The following FRYL variants were observed in gnomAD, a reference collection of about 807,000 sequenced individuals.
FRYL encodes the protein protein furry homolog-like.
In FRYL, 150 loss-of-function variants were observed where a neutral mutation model predicts 351.2. That is an observed-to-expected ratio of 0.43 (90% CI 0.37 to 0.49). The LOEUF (loss-of-function observed/expected upper bound fraction) is 0.49, where lower values mean the gene tolerates loss of function less well. FRYL is among the 20% of genes least tolerant of loss of function. The pLI is 0.00. For synonymous variants in FRYL, 1,153 were observed against 1,257.1 expected (o/e 0.92, Z 1.75); for missense variants, 3,036 against 3,619.3 (o/e 0.84, Z 4.13).
intron 1 of FRYL, among the ~76,000 whole-genome samples, chr4:48,776,418 T>C (rs745992678): frequency 3.3e-5 from 5 of 152,226 alleles, no homozygotes; most frequent in Non-Finnish European, 5.9e-5. Context: ...TAAAACTAAA[T>C]TTAAACTTCT....
Position 48,557,122 on chromosome 4 carries a change from G to C in FRYL, c.4126-4C>G, listed in dbSNP as rs1393677752. On this transcript the variant is annotated splice_polypyrimidine_tract_variant and splice_region_variant and intron_variant, in intron 34 of 63. Transcript: ENST00000358350. ...ACCAGGCCAGTTCATCGCCATACTA[G>C]ATGCAATATGCACAAAAGATACTTC... is the stretch of plus-strand genomic sequence containing the variant. 1.9e-6 allele frequency: 3 copies of C among 1,574,274 alleles called. No individual in the cohort carries two copies. The highest frequency in any genetic ancestry group is 1.4e-5 in the African/African-American group (1 of 72,478).
At chr4:48,651,345 G>T (rs1757670307) in intron 3 of FRYL, among the ~76,000 whole-genome samples, 5 of 127,514 alleles carry the variant, frequency 3.9e-5, no homozygotes, top group South Asian at 2.8e-4. Context: ...GTGTGTAGTG[G>T]TAGAAACAGG....
chr4:48,583,901 T>G (rs552527554), intron 19 of FRYL, among the ~76,000 whole-genome samples: 1 of 145,184 alleles, frequency 6.9e-6, no homozygotes, highest in Non-Finnish European at 1.5e-5. Context: ...CAAGACATCA[T>G]CTCAAAAAAA....
intron 3 of FRYL, among the ~76,000 whole-genome samples, chr4:48,662,125 T>A (rs1401552743): frequency 6.6e-6 from 1 of 152,168 alleles, no homozygotes; most frequent in African/African-American, 2.4e-5. Flanking sequence ...GGAATTGGAA[T>A]CTCAGAAGGA....
At chr4:48,709,310 T>C (rs1767757568) in intron 2 of FRYL, among the ~76,000 whole-genome samples, 2 of 152,214 alleles carry the variant, frequency 1.3e-5, no homozygotes, top group South Asian at 2.1e-4. Flanking sequence ...ATGAAAATAA[T>C]GGATGCTAGA....
At chr4:48,550,502 T>C in intron 38 of FRYL, 90 bp downstream of exon 38, 1 of 808,452 alleles carries the variant, frequency 1.2e-6, no homozygotes, top group South Asian at 1.7e-5. Context: ...TTAAAAACAA[T>C]TTACTGAAAA....
At chr4:48,677,551 C>T (rs930341472) in intron 3 of FRYL, among the ~76,000 whole-genome samples, 17 of 151,958 alleles carry the variant, frequency 1.1e-4, no homozygotes, top group South Asian at 2.1e-4. Context: ...GCTGGGATTA[C>T]AGGCGCCTGC....
intron 56 of FRYL, among the ~76,000 whole-genome samples, chr4:48,513,905 G>T (rs1384079832): frequency 3.3e-5 from 5 of 152,188 alleles, no homozygotes; most frequent in African/African-American, 4.8e-5. Flanking sequence ...AAGCCAAATA[G>T]CTGAATAACA....
At chr4:48,638,893 G>C (rs566408384) in intron 3 of FRYL, among the ~76,000 whole-genome samples, 1 of 152,028 alleles carries the variant, frequency 6.6e-6, no homozygotes, top group Non-Finnish European at 1.5e-5. Context: ...ACTCATAAGT[G>C]GGAGCTGAAT....
intron 61 of FRYL, 130 bp from the exon 62 acceptor site, chr4:48,501,863 C>T (rs1719752807): frequency 3.2e-6 from 2 of 627,078 alleles, no homozygotes; most frequent in Non-Finnish European, 5.6e-6. Flanking sequence ...TGGTATGAAG[C>T]TGATGAAAGG....
chr4:48,731,270 A>C (rs1770693313), intron 1 of FRYL, among the ~76,000 whole-genome samples: 1 of 151,976 alleles, frequency 6.6e-6, no homozygotes. Flanking sequence ...CACAATAATA[A>C]TGGGAAATAA....
At chr4:48,628,990 T>C (rs1316805270) in intron 4 of FRYL, among the ~76,000 whole-genome samples, 1 of 150,060 alleles carries the variant, frequency 6.7e-6, no homozygotes, top group Admixed American at 6.7e-5. Flanking sequence ...AGTCTTATTT[T>C]CATAGTAATA....
Position 48,609,799 on chromosome 4 carries a change from G to C in FRYL, c.436C>G (p.Pro146Ala), listed in dbSNP as rs754151130. ...AAGTTTAGAACTTCATGAACTAAGG[G>C]ATCGGGTACAGGATGAACAGGAATC... ...KQIPVHPVPD[P>A]LVHEVLNLAF... The change falls in exon 8 of 64, where the codon CCC becomes GCC. Residue 146 changes from proline to alanine, a missense_variant. Pro to Ala is a conservative substitution (Grantham distance 27). This residue lies in a region of FRYL where 457 missense variants were observed against 566.6 expected (regional missense o/e 0.81). Transcript: ENST00000358350. The C allele has an allele frequency of 6.3e-6, 10 of 1,594,698 alleles. No individual in the cohort carries two copies. Among genetic ancestry groups the C allele is most frequent in the Non-Finnish European group, 7.7e-6 (9 of 1,167,700 alleles).
rs561562532 is a variant in FRYL, at chr4:48,719,345, T to C, written c.-383-8647A>G. 1.1e-4 allele frequency among the ~76,000 whole-genome samples: 17 copies of C among 151,734 alleles called. 1 individual carries two copies. In the East Asian group the frequency reaches 3.3e-3, roughly 29 times the overall value. On this transcript the variant is annotated intron_variant, in intron 1 of 63. Transcript: ENST00000358350. ...GTGGAATGCCCTCCCTTCGTTTCTA[T>C]GTATTGAAATTCCTCTAAAATCATT...
intron 1 of FRYL, among the ~76,000 whole-genome samples, chr4:48,765,885 T>C (rs915084785): frequency 5.9e-5 from 9 of 152,224 alleles, no homozygotes; most frequent in African/African-American, 1.9e-4. Context: ...AATAGGTATA[T>C]AAAAAGGTGT....
chr4:48,660,963 A>C (rs1477275304), intron 3 of FRYL, among the ~76,000 whole-genome samples: 1 of 152,200 alleles, frequency 6.6e-6, no homozygotes, highest in African/African-American at 2.4e-5. Flanking sequence ...GTGGCAACTG[A>C]ATGTAAAGTG....
intron 62 of FRYL, 80 bp downstream of exon 62, chr4:48,501,543 G>T: frequency 1.3e-6 from 1 of 794,554 alleles, no homozygotes; most frequent in Non-Finnish European, 2.2e-6. Context: ...TTTGACTTAA[G>T]CTATTTTAAC....
intron 22 of FRYL, among the ~76,000 whole-genome samples, chr4:48,579,447 G>A (rs1392767076): frequency 6.6e-6 from 1 of 152,052 alleles, no homozygotes; most frequent in Admixed American, 6.5e-5. Context: ...TTTGGAGAGG[G>A]ATTCCACTGT....
At chr4:48,508,412 G>T (rs978786330) in intron 59 of FRYL, among the ~76,000 whole-genome samples, 4 of 152,086 alleles carry the variant, frequency 2.6e-5, no homozygotes, top group Non-Finnish European at 4.4e-5. Context: ...CTCCATTTAG[G>T]TGGTCTTTAA....
Sources: gnomAD v4.1 joint callset for allele counts (sites outside exome capture counted in the v4.1 genomes callset) on GRCh38, gnomAD v4.1.1 for gene constraint, gnomAD v4.1.1 regional missense constraint, MANE v1.5 for transcripts, NCBI Gene and HGNC (gene_info 2026-07-23, HGNC 2026-07-21) for gene names.